Variants in KIF11 observed in about 807,000 individuals in gnomAD.
The protein encoded by KIF11 is kinesin-like protein KIF11.
Under a neutral mutation model 121.0 loss-of-function variants are expected in KIF11, and 9 were observed. That is an observed-to-expected ratio of 0.07 (90% CI 0.04 to 0.13). KIF11 has a LOEUF of 0.13. KIF11 is among the 10% of genes least tolerant of loss of function. KIF11 has a pLI of 1.00. For missense variants in KIF11, 846 were observed against 1,217.5 expected (o/e 0.69, Z 4.54); for synonymous variants, 408 against 421.0 (o/e 0.97, Z 0.38).
chr10:92,606,470 ATGGTG>A, intron 2 of KIF11, 73 bp downstream of exon 2: 1 of 1,345,454 alleles, frequency 7.4e-7, no homozygotes, highest in Non-Finnish European at 1.0e-6. Context: ...TACCTGGAAA[ATGGTG>A]TATACTTAGA....
intron 17 of KIF11, among the ~76,000 whole-genome samples, chr10:92,641,725 GAA>G (rs1206592931): frequency 6.6e-6 from 1 of 152,074 alleles, no homozygotes; most frequent in Non-Finnish European, 1.5e-5. Context: ...TTAATTCTTT[GAA>G]TATTTTTCAG....
intron 1 of KIF11, among the ~76,000 whole-genome samples, chr10:92,599,999 A>ATTAT (rs1158952857): frequency 1.6e-5 from 2 of 121,614 alleles, no homozygotes; most frequent in African/African-American, 7.0e-5. Flanking sequence ...TATTATTATT[A>ATTAT]TTATTTATTT....
intron 17 of KIF11, among the ~76,000 whole-genome samples, chr10:92,642,235 T>C (rs1459354755): frequency 6.6e-6 from 1 of 152,104 alleles, no homozygotes; most frequent in Non-Finnish European, 1.5e-5. Context: ...TTGGGTATTA[T>C]GTTAGGAGAT....
intron 21 of KIF11, among the ~76,000 whole-genome samples, chr10:92,651,398 C>T (rs867420194): frequency 3.4e-5 from 5 of 146,782 alleles, no homozygotes; most frequent in African/African-American, 5.0e-5. Flanking sequence ...TGCAATGGCA[C>T]GATCTTGGCT....
At chr10:92,627,711 G>A (rs1272347616) in intron 10 of KIF11, among the ~76,000 whole-genome samples, 1 of 152,106 alleles carries the variant, frequency 6.6e-6, no homozygotes, top group Non-Finnish European at 1.5e-5. Flanking sequence ...GAGGATTATG[G>A]ACCTGTAAGT....
At chr10:92,608,971 C>T in intron 4 of KIF11, 49 bp from the exon 5 acceptor site, 2 of 1,056,310 alleles carry the variant, frequency 1.9e-6, no homozygotes, top group Non-Finnish European at 2.7e-6. Context: ...TTTTAACTGC[C>T]ACAGTAAATG....
At position 92,653,523 on chromosome 10, in the gene KIF11, T is replaced by G. The variant is rs1319643389; in HGVS notation, c.3040-142T>G. 10 of 655,924 alleles carry G rather than the reference T, an allele frequency of 1.5e-5. No individual in the cohort carries two copies. In the East Asian group the frequency reaches 2.7e-4, roughly 18 times the overall value. The allele number at this position is 655,924 out of a possible 1,614,324, so 40.6% of individuals were successfully genotyped here. Reference sequence around the variant, plus strand: ...TGGCGCTACTTGCCAAATTGTTGGCTCAAACTTGTGCTGAACCTTTTTTGG... The same window carrying G: ...TGGCGCTACTTGCCAAATTGTTGGCGCAAACTTGTGCTGAACCTTTTTTGG... On this transcript the variant is annotated intron_variant, in intron 21 of 21. Coordinates refer to ENST00000260731, the MANE Select transcript of KIF11 (RefSeq NM_004523.4).
At chr10:92,648,150 T>C in intron 18 of KIF11, 62 bp from the exon 19 acceptor site, 3 of 1,093,114 alleles carry the variant, frequency 2.7e-6, no homozygotes, top group Non-Finnish European at 2.6e-6. Context: ...GAAAATATGA[T>C]GTTGAATAAA....
chr10:92,633,369 A>G (rs1369187089), intron 13 of KIF11, among the ~76,000 whole-genome samples: 8 of 152,004 alleles, frequency 5.3e-5, no homozygotes, highest in Admixed American at 4.6e-4. Context: ...AGAATATTCT[A>G]ATTCTTTGTG....
chr10:92,639,998 T>C (rs1244574027), intron 17 of KIF11, 98 bp downstream of exon 17: 1 of 611,922 alleles, frequency 1.6e-6, no homozygotes, highest in Non-Finnish European at 2.8e-6. Context: ...CTGTGTACTT[T>C]CAAATTTCTC....
rs373460706 is a variant in KIF11, at chr10:92,630,126, G to A, written c.1306-50G>A. On this transcript the variant is annotated intron_variant, in intron 11 of 21. Transcript: ENST00000260731. The stretch of plus-strand genomic sequence containing the variant: ...TTCATTTTTCTAATCTTATGAACTA[G>A]CTAGATATCCTACCAGCCAGCTCAG... 3.2e-6 allele frequency: 3 copies of A among 930,206 alleles called. No individual in the cohort carries two copies. In the African/African-American group the frequency reaches 5.2e-5, roughly 16 times the overall value. The allele number at this position is 930,206 out of a possible 1,614,324, so 57.6% of individuals were successfully genotyped here. A position where few individuals can be genotyped will look rare whatever the true frequency, so the allele number is the denominator to read the frequency against.
intron 16 of KIF11, among the ~76,000 whole-genome samples, chr10:92,638,165 A>T (rs1044443020): frequency 1.3e-5 from 2 of 152,192 alleles, no homozygotes; most frequent in African/African-American, 4.8e-5. Flanking sequence ...TGACTGTCTA[A>T]AGTTTTATTA....
chr10:92,602,825 C>CGTGTGTGTGTGTGTGTGTGT (rs3980475), intron 1 of KIF11, among the ~76,000 whole-genome samples: 8 of 122,382 alleles, frequency 6.5e-5, no homozygotes, highest in African/African-American at 2.9e-4. Context: ...CACACACACA[C>CGTGTGTGTGTGTGTGTGTGT]GTGTGTGTGT....
At chr10:92,615,602 C>A (rs1844546405) in intron 8 of KIF11, among the ~76,000 whole-genome samples, 1 of 152,036 alleles carries the variant, frequency 6.6e-6, no homozygotes, top group Non-Finnish European at 1.5e-5. Flanking sequence ...AGAAAGAAAG[C>A]CTGTACCCAT....
intron 14 of KIF11, among the ~76,000 whole-genome samples, chr10:92,635,635 G>T (rs1217964680): frequency 2.6e-5 from 4 of 152,180 alleles, no homozygotes; most frequent in Non-Finnish European, 4.4e-5. Context: ...TAGAAATACT[G>T]TAGTAGTTAC....
In KIF11 at chr10:92,593,150, G is replaced by C. The variant is rs1169755601; in HGVS notation, c.-226G>C. ...TGCTTAGTTTCTGGGGATTCGGGCG[G>C]AGACGAGATTAGTGATTTGGCGGCT... On this transcript the variant is annotated 5_prime_UTR_variant, in exon 1 of 22. Transcript: ENST00000260731. 1.2e-5 allele frequency: 6 copies of C among 513,260 alleles called. No individual in the cohort carries two copies. The highest frequency in any genetic ancestry group is 2.1e-5 in the Non-Finnish European group (6 of 285,688). 31.8% of individuals were successfully genotyped at this position (513,260 alleles called of 1,614,324 possible). A position where few individuals can be genotyped will look rare whatever the true frequency, so the allele number is the denominator to read the frequency against.
chr10:92,603,170 C>T (rs907656799), intron 1 of KIF11, among the ~76,000 whole-genome samples: 2 of 151,824 alleles, frequency 1.3e-5, no homozygotes, highest in Non-Finnish European at 2.9e-5. Context: ...ATATCACCTG[C>T]GTAGAAGCAT....
rs190255368 is a variant in KIF11 at position 92,631,173 on chromosome 10, A to C, written c.1494+809A>C. On this transcript the variant is annotated intron_variant, in intron 12 of 21. Coordinates refer to ENST00000260731, the MANE Select transcript of KIF11 (RefSeq NM_004523.4). ...GCCAGGCGTGGTGGCACATGCCTATAATCCCATCTACTCAGGAGGCTGAGG... is the reference window on the plus strand; with the variant it reads ...GCCAGGCGTGGTGGCACATGCCTATCATCCCATCTACTCAGGAGGCTGAGG... Among the ~76,000 whole-genome samples, 1,325 of 151,312 alleles carry C rather than the reference A, an allele frequency of 8.8e-3. 19 individuals are homozygous for C. Among genetic ancestry groups the C allele is most frequent in the African/African-American group, 0.031 (1,272 of 41,292 alleles).
Position 92,613,538 on chromosome 10 carries a change from T to C in KIF11, c.951T>C (p.Thr317=). The change falls in exon 8 of 22, where the codon ACT becomes ACC. Residue 317 remains threonine, a synonymous_variant. Coordinates refer to ENST00000260731, the MANE Select transcript of KIF11 (RefSeq NM_004523.4). This position sits in a 1 kb window ranked among gnomAD's most constrained non-coding sequence, Gnocchi z 4.2. ...PHVPYRESKL[T]RILQDSLGGR... The stretch of plus-strand genomic sequence containing the variant: ...TTCCTTATCGAGAATCTAAACTAAC[T>C]AGAATCCTCCAGGATTCTCTTGGAG... 3 of 1,610,598 alleles carry C rather than the reference T, an allele frequency of 1.9e-6. No homozygotes were observed. The highest frequency in any genetic ancestry group is 2.5e-6 in the Non-Finnish European group (3 of 1,176,922).
Sources: allele counts gnomAD v4.1 joint callset (sites outside exome capture counted in the v4.1 genomes callset), GRCh38; gene constraint gnomAD v4.1.1; non-coding constraint Gnocchi (gnomAD v3.1); transcripts MANE v1.5; gene names NCBI Gene and HGNC (gene_info 2026-07-23, HGNC 2026-07-21).